RBFOX1: variants seen among roughly 807,000 people sequenced by gnomAD.
RBFOX1 encodes RNA binding fox-1 homolog 1, also known as RNA binding protein fox-1 homolog 1.
RBFOX1 carries 8 observed loss-of-function variants against 57.7 expected under a neutral mutation model. The observed-to-expected ratio is 0.14, with a 90% CI of 0.08 to 0.25. The LOEUF (loss-of-function observed/expected upper bound fraction) is 0.25. RBFOX1 is among the 10% of genes least tolerant of loss of function. RBFOX1 has a pLI of 1.00. For missense variants in RBFOX1, 611 were observed against 548.5 expected, an observed-to-expected ratio of 1.11 and a Z score of -1.14; for synonymous variants, 326 against 222.4, an observed-to-expected ratio of 1.47 and a Z score of -4.15.
chr16:5,834,623 T>TAGAC (rs201984836), intron 3 of RBFOX1, among the ~76,000 whole-genome samples: 1 of 151,694 alleles, frequency 6.6e-6, no homozygotes, highest in Non-Finnish European at 1.5e-5. Context: ...GATAGATAGA[T>TAGAC]TGACTGATTT....
intron 3 of RBFOX1, among the ~76,000 whole-genome samples, chr16:6,760,576 C>A (rs748968658): frequency 6.6e-6 from 1 of 152,126 alleles, no homozygotes; most frequent in African/African-American, 2.4e-5. Context: ...GACAGTTTAG[C>A]ATTTGATCTT....
intron 3 of RBFOX1, among the ~76,000 whole-genome samples, chr16:5,608,264 G>A (rs764499221): frequency 6.6e-6 from 1 of 152,160 alleles, no homozygotes; most frequent in Non-Finnish European, 1.5e-5. Flanking sequence ...CAGCTGACTG[G>A]GTCAGTGTTG....
intron 1 of RBFOX1, among the ~76,000 whole-genome samples, chr16:6,050,619 G>C (rs1194002783): frequency 1.3e-5 from 2 of 152,042 alleles, no homozygotes; most frequent in Non-Finnish European, 2.9e-5. Flanking sequence ...GACCATGGAT[G>C]CTCAATGCAT....
At chr16:6,965,209 C>G (rs533504308) in intron 3 of RBFOX1, among the ~76,000 whole-genome samples, 3 of 152,002 alleles carry the variant, frequency 2.0e-5, no homozygotes, top group African/African-American at 7.3e-5. Context: ...GTGTAAATCA[C>G]TAATGAAAAG....
intron 1 of RBFOX1, among the ~76,000 whole-genome samples, chr16:6,124,099 C>T (rs912917421): frequency 6.6e-6 from 1 of 152,144 alleles, no homozygotes; most frequent in Non-Finnish European, 1.5e-5. Flanking sequence ...TGGGCTGGAA[C>T]TCACCCTTCT....
chr16:7,316,185 G>A (rs1333834394), intron 4 of RBFOX1, among the ~76,000 whole-genome samples: 1 of 152,168 alleles, frequency 6.6e-6, no homozygotes, highest in Admixed American at 6.5e-5. Context: ...ATCAGAGAAA[G>A]ATCAACTTTT....
At chr16:6,652,688 A>G (rs372169388) in intron 2 of RBFOX1, among the ~76,000 whole-genome samples, 8 of 152,286 alleles carry the variant, frequency 5.3e-5, no homozygotes, top group South Asian at 2.1e-4. Flanking sequence ...TAGCCGACTC[A>G]TACAATGAGA....
intron 5 of RBFOX1, among the ~76,000 whole-genome samples, chr16:7,542,179 C>T (rs909000562): frequency 6.6e-6 from 1 of 152,042 alleles, no homozygotes; most frequent in Admixed American, 6.6e-5. Context: ...TCCCTCAACC[C>T]TATGGGCTAC....
intron 4 of RBFOX1, among the ~76,000 whole-genome samples, chr16:7,498,447 G>GT (rs1222906666): frequency 5.1e-4 from 50 of 97,880 alleles, no homozygotes; most frequent in Non-Finnish European, 1.3e-3. Context: ...ATATGTAGTG[G>GT]GTTTTTTTTT....
At chr16:5,891,263 G>T (rs1449943457) in intron 4 of RBFOX1, among the ~76,000 whole-genome samples, 1 of 152,142 alleles carries the variant, frequency 6.6e-6, no homozygotes, top group Non-Finnish European at 1.5e-5. Flanking sequence ...GAAGCCAAGG[G>T]CACGGGAGGA....
At chr16:7,245,827 A>C (rs914723462) in intron 4 of RBFOX1, among the ~76,000 whole-genome samples, 3 of 151,970 alleles carry the variant, frequency 2.0e-5, no homozygotes, top group Admixed American at 6.6e-5. Context: ...CACTCATGCA[A>C]CTCTTCACAA....
At chr16:7,491,707 A>G (rs1027016288) in intron 4 of RBFOX1, among the ~76,000 whole-genome samples, 2 of 152,096 alleles carry the variant, frequency 1.3e-5, no homozygotes, top group African/African-American at 4.8e-5. Flanking sequence ...TGTGGCTCAC[A>G]GCAGCCTCAA....
chr16:6,442,681 A>T (rs1400256081), intron 2 of RBFOX1, among the ~76,000 whole-genome samples: 1 of 152,144 alleles, frequency 6.6e-6, no homozygotes, highest in African/African-American at 2.4e-5. Flanking sequence ...GTGTTTTGTG[A>T]TATCAGTCTC....
chr16:6,298,434 A>G (rs1211505597), intron 1 of RBFOX1, among the ~76,000 whole-genome samples: 1 of 152,230 alleles, frequency 6.6e-6, no homozygotes, highest in East Asian at 1.9e-4. Flanking sequence ...TCCCTAAGAC[A>G]TAAAAAACAA....
chr16:7,220,867 C>G (rs1380744290), intron 4 of RBFOX1, among the ~76,000 whole-genome samples: 3 of 152,072 alleles, frequency 2.0e-5, no homozygotes, highest in African/African-American at 7.2e-5. Context: ...ATCCTACTTT[C>G]TGCTTGTTAA....
rs115414108 is a variant in RBFOX1 at position 5,254,255 on chromosome 16, C to G, written c.219+14150C>G. 7.5e-3 allele frequency among the ~76,000 whole-genome samples: 1,140 copies of G among 152,318 alleles called. 5 individuals carry two copies. The Middle Eastern group carries it at 0.078, about 10-fold the overall frequency. On this transcript the variant is annotated intron_variant, in intron 1 of 2. Coordinates refer to the RBFOX1 transcript ENST00000585867. ...CCTGGCTGGTCGCTGGGTGCACACT[C>G]TTAACCACTTCACCATGGTTCTTCT... is the stretch of plus-strand genomic sequence containing the variant.
chr16:5,869,960 G>A (rs756097889), intron 4 of RBFOX1, among the ~76,000 whole-genome samples: 17 of 151,868 alleles, frequency 1.1e-4, no homozygotes, highest in Non-Finnish European at 2.2e-4. Flanking sequence ...CAATAGTGGT[G>A]TATTCATGCA....
chr16:5,745,855 T>G (rs2052960296), intron 3 of RBFOX1, among the ~76,000 whole-genome samples: 1 of 152,164 alleles, frequency 6.6e-6, no homozygotes, highest in Non-Finnish European at 1.5e-5. Flanking sequence ...GGCAGATGAG[T>G]AGATTGCAAA....
At chr16:7,162,951 C>G (rs1050071561) in intron 4 of RBFOX1, among the ~76,000 whole-genome samples, 2 of 152,236 alleles carry the variant, frequency 1.3e-5, no homozygotes, top group Non-Finnish European at 1.5e-5. Flanking sequence ...CATCACCTGA[C>G]CTAATGACCT....
Sources: gnomAD v4.1 joint callset for allele counts (sites outside exome capture counted in the v4.1 genomes callset) on GRCh38, gnomAD v4.1.1 for gene constraint, MANE v1.5 for transcripts, NCBI Gene and HGNC (gene_info 2026-07-23, HGNC 2026-07-21) for gene names.